The following STAM variants were observed in gnomAD, a reference collection of about 807,000 sequenced individuals.
STAM encodes signal transducing adaptor molecule, also known as signal transducing adapter molecule 1.
A neutral mutation model predicts 63.4 loss-of-function variants in STAM; 16 were observed. The observed-to-expected ratio is 0.25, with a 90% confidence interval of 0.17 to 0.38. STAM has a LOEUF of 0.38. STAM is among the 10% of genes least tolerant of loss of function. The pLI is 1.00. For missense variants in STAM, 636 were observed against 657.1 expected, an observed-to-expected ratio of 0.97 and a Z score of 0.35; for synonymous variants, 238 against 223.9, an observed-to-expected ratio of 1.06 and a Z score of -0.56.
intron 1 of STAM, among the ~76,000 whole-genome samples, chr10:17,659,511 C>T (rs1834078637): frequency 1.6e-5 from 2 of 121,906 alleles, no homozygotes; most frequent in Admixed American, 1.0e-4. Context: ...TGCTCTGTTG[C>T]CTAACTGGAG....
chr10:17,683,280 C>T (rs1835161444), intron 2 of STAM, among the ~76,000 whole-genome samples: 1 of 152,114 alleles, frequency 6.6e-6, no homozygotes. Flanking sequence ...CCTCCCACCT[C>T]AGGCCATTCA....
At chr10:17,673,963 T>C (rs1218048879) in intron 2 of STAM, among the ~76,000 whole-genome samples, 1 of 152,170 alleles carries the variant, frequency 6.6e-6, no homozygotes, top group Non-Finnish European at 1.5e-5. Context: ...TAAGCTCTGA[T>C]CTGTAGGATG....
intron 9 of STAM, 141 bp from the exon 10 acceptor site, chr10:17,704,290 A>G (rs1389676156): frequency 4.7e-6 from 3 of 642,346 alleles, no homozygotes; most frequent in South Asian, 1.9e-5. Flanking sequence ...GAATAAATAC[A>G]TGGGACACTG....
At chr10:17,709,053 G>C in intron 13 of STAM, 102 bp downstream of exon 13, 1 of 1,396,858 alleles carries the variant, frequency 7.2e-7, no homozygotes, top group Non-Finnish European at 9.8e-7. Flanking sequence ...AATATCTGTG[G>C]TCAGCGTCAT....
At chr10:17,652,019 G>C (rs2131561945) in intron 1 of STAM, among the ~76,000 whole-genome samples, 1 of 152,182 alleles carries the variant, frequency 6.6e-6, no homozygotes, top group South Asian at 2.1e-4. Context: ...GTTTTTTCTG[G>C]GTACTGCTGG....
chr10:17,692,100 G>T (rs1239847588), intron 5 of STAM, among the ~76,000 whole-genome samples: 1 of 152,186 alleles, frequency 6.6e-6, no homozygotes, highest in Admixed American at 6.5e-5. Context: ...AGGTGTAGGT[G>T]CTATTATCGT....
intron 5 of STAM, among the ~76,000 whole-genome samples, chr10:17,689,313 GC>G: frequency 6.6e-6 from 1 of 152,228 alleles, no homozygotes; most frequent in South Asian, 2.1e-4. Flanking sequence ...GTGTGGAGGG[GC>G]TTATGTTTTG....
chr10:17,700,225 T>A lies in STAM; in HGVS notation c.858T>A (p.Asp286Glu). 2 of 1,610,484 alleles carry A rather than the reference T, an allele frequency of 1.2e-6. No homozygotes were observed. Among genetic ancestry groups the A allele is most frequent in the Non-Finnish European group, 1.7e-6 (2 of 1,178,362 alleles). The stretch of plus-strand genomic sequence containing the variant: ...AGAAGAAGACGGTACAATTTAGTGA[T>A]GATGTTCAGGTAGAGACAATAGAAC... ...KTEKKTVQFS[D>E]DVQVETIEPE... is the part of the protein sequence containing the mutation. The change falls in exon 9 of 14, where the codon GAT becomes GAA. Residue 286 changes from aspartate to glutamate, a missense_variant. This residue lies in a region of STAM where 532 missense variants were observed against 536.9 expected (regional missense o/e 0.99). Coordinates refer to ENST00000377524, the MANE Select transcript of STAM (RefSeq NM_003473.4).
intron 2 of STAM, among the ~76,000 whole-genome samples, chr10:17,664,473 T>C (rs1834298161): frequency 6.6e-6 from 1 of 152,100 alleles, no homozygotes; most frequent in African/African-American, 2.4e-5. Context: ...TTTAATATTT[T>C]AAATTATTTT....
chr10:17,679,214 C>G (rs1485257793), intron 2 of STAM, among the ~76,000 whole-genome samples: 1 of 152,106 alleles, frequency 6.6e-6, no homozygotes, highest in Admixed American at 6.5e-5. Context: ...CACTACATCC[C>G]CTCCAATATT....
chr10:17,700,302 G>A (rs782379290), intron 9 of STAM, 23 bp downstream of exon 9: 1 of 1,553,916 alleles, frequency 6.4e-7, no homozygotes, highest in Admixed American at 1.8e-5. Flanking sequence ...CATGGTGATA[G>A]GAGTTGGTAC....
chr10:17,711,804 A>G (rs1836567789), intron 13 of STAM, among the ~76,000 whole-genome samples: 1 of 152,198 alleles, frequency 6.6e-6, no homozygotes, highest in South Asian at 2.1e-4. Context: ...CTTGTTCTAG[A>G]TACCATCTTA....
In STAM at chr10:17,716,349, C is replaced by T. The variant is rs1411025902; in HGVS notation, c.*1569C>T. Among the ~76,000 whole-genome samples, 4 of 145,980 alleles carry T rather than the reference C, an allele frequency of 2.7e-5. No homozygotes were observed. The highest frequency in any genetic ancestry group is 2.1e-4 in the Admixed American group (3 of 14,144). On this transcript the variant is annotated 3_prime_UTR_variant, in exon 14 of 14. Transcript: ENST00000377524. ...TTTCACAGACTCAGATTTAAAGCAC[C>T]GTAGTTTTAAATCTGAGCCTGTGAA...
intron 1 of STAM, among the ~76,000 whole-genome samples, chr10:17,645,117 G>A (rs962794854): frequency 3.0e-4 from 45 of 152,106 alleles, no homozygotes; most frequent in African/African-American, 9.9e-4. Flanking sequence ...TTTGCTTTTG[G>A]TTTTTAATTT....
Position 17,681,823 on chromosome 10 carries a change from T to C in STAM, c.126-2852T>C, listed in dbSNP as rs868981267. On this transcript the variant is annotated intron_variant, in intron 2 of 13. Transcript: ENST00000377524. ...GAACTTCAGTAAATGGAGGACTTGG[T>C]TTGCTGTGAATGTTTTGAACACTGA... Among the ~76,000 whole-genome samples the C allele has an allele frequency of 1.6e-4, 24 of 152,354 alleles. No individual in the cohort carries two copies. In the Middle Eastern group the frequency reaches 0.01, roughly 65 times the overall value.
intron 4 of STAM, among the ~76,000 whole-genome samples, chr10:17,686,090 A>G: frequency 6.6e-6 from 1 of 152,324 alleles, no homozygotes; most frequent in South Asian, 2.1e-4. Flanking sequence ...TCATGGTTAA[A>G]TGATAATTCT....
intron 2 of STAM, among the ~76,000 whole-genome samples, chr10:17,662,907 C>G (rs1332959455): frequency 6.6e-6 from 1 of 152,198 alleles, no homozygotes; most frequent in Admixed American, 6.5e-5. Flanking sequence ...TAGACCACTT[C>G]ATGTGCATTT....
chr10:17,668,315 T>A (rs1834482601), intron 2 of STAM, among the ~76,000 whole-genome samples: 1 of 152,196 alleles, frequency 6.6e-6, no homozygotes, highest in Non-Finnish European at 1.5e-5. Flanking sequence ...GAATGCACAT[T>A]GCTTAGCATA....
At position 17,688,714 on chromosome 10, in the gene STAM, C is replaced by T. The variant is rs1227543945; in HGVS notation, c.444+541C>T. Among the ~76,000 whole-genome samples, 8 of 152,134 alleles carry T rather than the reference C, an allele frequency of 5.3e-5. No individual in the cohort carries two copies. In the South Asian group the frequency reaches 8.3e-4, roughly 16 times the overall value. Reference sequence around the variant, plus strand: ...CTGACCTCAGGTGTTCTGCCCGCCTCGGCCTCCCAAAGTGCTAGGATTACA... The same window carrying T: ...CTGACCTCAGGTGTTCTGCCCGCCTTGGCCTCCCAAAGTGCTAGGATTACA... On this transcript the variant is annotated intron_variant, in intron 5 of 13. Coordinates refer to ENST00000377524, the MANE Select transcript of STAM (RefSeq NM_003473.4).
Sources: allele counts gnomAD v4.1 joint callset (sites outside exome capture counted in the v4.1 genomes callset), GRCh38; gene constraint gnomAD v4.1.1; regional missense constraint gnomAD v4.1.1; transcripts MANE v1.5; gene names NCBI Gene and HGNC (gene_info 2026-07-23, HGNC 2026-07-21).